Variants in CDH18 observed in about 807,000 individuals in gnomAD.
The protein encoded by CDH18 is cadherin 18.
In CDH18, 31 loss-of-function variants were observed where a neutral mutation model predicts 67.9. The observed-to-expected ratio is 0.46, with a 90% CI of 0.34 to 0.62. The LOEUF is 0.62. Among genes scored for constraint, CDH18 ranks in the 20% least tolerant of loss-of-function variants. The pLI, the probability that CDH18 is intolerant of heterozygous loss-of-function variation, is 0.01. For missense variants in CDH18, 890 were observed against 975.5 expected, an observed-to-expected ratio of 0.91 and a Z score of 1.17; for synonymous variants, 362 against 347.2, an observed-to-expected ratio of 1.04 and a Z score of -0.48.
At chr5:20,371,636 T>A (rs1743009875) in intron 1 of CDH18, among the ~76,000 whole-genome samples, 2 of 152,170 alleles carry the variant, frequency 1.3e-5, no homozygotes. Context: ...GTCGGGAGTA[T>A]ATCTTGTTTC....
intron 2 of CDH18, among the ~76,000 whole-genome samples, chr5:19,915,490 T>G (rs999720670): frequency 6.6e-6 from 1 of 152,010 alleles, no homozygotes; most frequent in Admixed American, 6.6e-5. Flanking sequence ...ATAAACACAT[T>G]TTCGAACAGC....
chr5:19,832,120 G>C (rs1581551894), intron 3 of CDH18, among the ~76,000 whole-genome samples: 2 of 152,128 alleles, frequency 1.3e-5, no homozygotes. Flanking sequence ...AAGTAGAAAG[G>C]GGAGGAAGGG....
Position 19,854,687 on chromosome 5 carries a change from T to C in CDH18, c.-256-15445A>G, listed in dbSNP as rs1036413876. ...AATACTAGGCAGCTCCTTATGAATATGGAATGAGCTCCAAGACATTGTTTA... is the reference window on the plus strand; with the variant it reads ...AATACTAGGCAGCTCCTTATGAATACGGAATGAGCTCCAAGACATTGTTTA... On this transcript the variant is annotated intron_variant, in intron 2 of 12. Coordinates refer to ENST00000382275, the MANE Select transcript of CDH18 (RefSeq NM_004934.5). Among the ~76,000 whole-genome samples the C allele has an allele frequency of 2.6e-5, 4 of 152,238 alleles. No individual in the cohort carries two copies. The East Asian group carries it at 5.8e-4, about 22-fold the overall frequency.
At chr5:19,708,942 C>G (rs1294727992) in intron 5 of CDH18, among the ~76,000 whole-genome samples, 2 of 151,996 alleles carry the variant, frequency 1.3e-5, no homozygotes, top group Non-Finnish European at 2.9e-5. Context: ...GAGCTGGTCT[C>G]AGCATCAGCG....
chr5:20,244,474 T>G (rs902779208), intron 2 of CDH18, among the ~76,000 whole-genome samples: 1 of 151,966 alleles, frequency 6.6e-6, no homozygotes, highest in Non-Finnish European at 1.5e-5. Context: ...TGAACTAACC[T>G]CATCATTGCA....
chr5:20,313,620 C>T (rs1324727758), intron 1 of CDH18, among the ~76,000 whole-genome samples: 2 of 151,842 alleles, frequency 1.3e-5, no homozygotes, highest in Non-Finnish European at 2.9e-5. Context: ...CAAACAGCCC[C>T]CGAAAGAGAT....
chr5:20,135,587 T>G (rs1323932986), intron 2 of CDH18, among the ~76,000 whole-genome samples: 1 of 152,148 alleles, frequency 6.6e-6, no homozygotes, highest in African/African-American at 2.4e-5. Context: ...GTGTCTCTAA[T>G]TCCTTCAGTT....
At chr5:19,832,742 A>G (rs1026418776) in intron 3 of CDH18, among the ~76,000 whole-genome samples, 1 of 152,110 alleles carries the variant, frequency 6.6e-6, no homozygotes, top group Admixed American at 6.6e-5. Context: ...AGTTTCCTGC[A>G]TATGTCTGGC....
At chr5:20,419,476 T>G (rs1211535013) in intron 1 of CDH18, among the ~76,000 whole-genome samples, 4 of 78,204 alleles carry the variant, frequency 5.1e-5, no homozygotes, top group East Asian at 6.5e-4. Context: ...TTTTTTTTTT[T>G]TTTTTTTTTT....
At chr5:19,719,340 T>A (rs977449412) in intron 5 of CDH18, among the ~76,000 whole-genome samples, 1 of 152,134 alleles carries the variant, frequency 6.6e-6, no homozygotes, top group Admixed American at 6.6e-5. Context: ...TGTGCATGCA[T>A]GTGTGTTAGT....
Position 20,328,473 on chromosome 5 carries a change from T to TTGTG in CDH18, c.-579-72972_-579-72969dup, listed in dbSNP as rs70954646. Among the ~76,000 whole-genome samples, 449 of 141,386 alleles carry TTGTG rather than the reference T, an allele frequency of 3.2e-3. 6 individuals are homozygous for TTGTG. The highest frequency in any genetic ancestry group is 0.012 in the African/African-American group (434 of 37,084). 92.8% of individuals were successfully genotyped at this position (141,386 alleles called of 152,430 possible). A position where few individuals can be genotyped will look rare whatever the true frequency, so the allele number is the denominator to read the frequency against. ...TTTATTGAGGTGTTGGAGAAGCCAT[T>TTGTG]TGTGTGTGTGTGTGTGTGTGTGTGT... On this transcript the variant is annotated intron_variant, in intron 1 of 14. Coordinates refer to the CDH18 transcript ENST00000507958.
In CDH18 at chr5:20,513,243, T is replaced by C. The variant is rs186937762; in HGVS notation, c.-580+62219A>G. On this transcript the variant is annotated intron_variant, in intron 1 of 14. Coordinates refer to the CDH18 transcript ENST00000507958. ...GTGAAGATTCCCAGGGCTTAGAAGATCCTGCATTTTATCTCACATGTAGCT... is the reference window on the plus strand; with the variant it reads ...GTGAAGATTCCCAGGGCTTAGAAGACCCTGCATTTTATCTCACATGTAGCT... Among the ~76,000 whole-genome samples the C allele has an allele frequency of 7.2e-5, 11 of 152,280 alleles. No homozygotes were observed. In the East Asian group the frequency reaches 1.7e-3, roughly 24 times the overall value.
chr5:19,628,241 A>C (rs1426138600), intron 5 of CDH18, among the ~76,000 whole-genome samples: 1 of 152,106 alleles, frequency 6.6e-6, no homozygotes, highest in African/African-American at 2.4e-5. Context: ...TTTGCCTGCC[A>C]CCATGATTGT....
chr5:19,880,315 AT>A (rs779057300), intron 2 of CDH18, among the ~76,000 whole-genome samples: 1 of 152,080 alleles, frequency 6.6e-6, no homozygotes, highest in Non-Finnish European at 1.5e-5. Flanking sequence ...TTTTATTTAA[AT>A]TCAGCTTCCA....
intron 5 of CDH18, among the ~76,000 whole-genome samples, chr5:19,669,080 T>G (rs2150342369): frequency 6.7e-6 from 1 of 148,184 alleles, no homozygotes; most frequent in South Asian, 2.1e-4. Flanking sequence ...TAATGATTAC[T>G]TCCAACTTGA....
chr5:19,899,226 C>G (rs1789667421), intron 2 of CDH18, among the ~76,000 whole-genome samples: 1 of 151,970 alleles, frequency 6.6e-6, no homozygotes, highest in African/African-American at 2.4e-5. Context: ...ATGGAGAAAC[C>G]CCGCCTCTAC....
intron 1 of CDH18, among the ~76,000 whole-genome samples, chr5:20,265,253 T>G (rs1744944432): frequency 6.6e-6 from 1 of 152,130 alleles, no homozygotes; most frequent in Non-Finnish European, 1.5e-5. Flanking sequence ...TCCTGGTTAT[T>G]ATAAAGAAAA....
intron 12 of CDH18, among the ~76,000 whole-genome samples, chr5:19,475,487 G>T (rs1738295940): frequency 6.8e-6 from 1 of 148,036 alleles, no homozygotes; most frequent in South Asian, 2.2e-4. Flanking sequence ...TCCTTGTTAA[G>T]TCAAAAAATC....
At chr5:19,867,909 C>G (rs1785759758) in intron 2 of CDH18, among the ~76,000 whole-genome samples, 1 of 152,110 alleles carries the variant, frequency 6.6e-6, no homozygotes, top group South Asian at 2.1e-4. Flanking sequence ...CATGGAGGTG[C>G]TTACCCCCAT....
Sources: allele counts gnomAD v4.1 joint callset (sites outside exome capture counted in the v4.1 genomes callset), GRCh38; gene constraint gnomAD v4.1.1; transcripts MANE v1.5; gene names NCBI Gene and HGNC (gene_info 2026-07-23, HGNC 2026-07-21).